The following TMEM182 variants were observed in gnomAD, a reference collection of about 807,000 sequenced individuals.
TMEM182 encodes the protein transmembrane protein 182.
TMEM182 carries 20 observed loss-of-function variants against 26.8 expected under a neutral mutation model. The observed-to-expected ratio is 0.75, with a 90% confidence interval of 0.53 to 1.09. TMEM182 has a LOEUF of 1.09. Ranked by LOEUF, TMEM182 falls within the 50% of genes least tolerant of loss-of-function variation. TMEM182 has a pLI of 0.00. For missense variants in TMEM182, 277 were observed against 275.5 expected (o/e 1.01, Z -0.04); for synonymous variants, 109 against 102.2 (o/e 1.07, Z -0.40).
chr2:102,810,836 T>C (rs931465207), intron 4 of TMEM182, among the ~76,000 whole-genome samples: 1 of 152,166 alleles, frequency 6.6e-6, no homozygotes. Flanking sequence ...TTACTATCTA[T>C]ATATTGCAGT....
chr2:102,749,774 T>A (rs1377414950), intron 1 of TMEM182, among the ~76,000 whole-genome samples: 34 of 152,118 alleles, frequency 2.2e-4, no homozygotes, highest in Non-Finnish European at 2.9e-5. Context: ...TGTATGACAA[T>A]ATAAAGTTTC....
At chr2:102,796,374 T>G (rs1395111480) in intron 3 of TMEM182, among the ~76,000 whole-genome samples, 1 of 152,224 alleles carries the variant, frequency 6.6e-6, no homozygotes, top group Non-Finnish European at 1.5e-5. Context: ...AATGGATTTC[T>G]TATTCTCTGA....
chr2:102,799,434 G>A (rs773181491), intron 4 of TMEM182, among the ~76,000 whole-genome samples: 1 of 152,182 alleles, frequency 6.6e-6, no homozygotes, highest in Non-Finnish European at 1.5e-5. Flanking sequence ...CTTGGAAAAG[G>A]CAGATTAATT....
intron 1 of TMEM182, among the ~76,000 whole-genome samples, chr2:102,740,323 T>C (rs1378605975): frequency 6.6e-6 from 1 of 152,150 alleles, no homozygotes; most frequent in Non-Finnish European, 1.5e-5. Context: ...TGGAGGTGGT[T>C]ACCTCCATGC....
upstream of TMEM182, chr2:102,758,261 A>G (rs368167257): frequency 7.2e-5 from 37 of 511,900 alleles, 1 homozygote; most frequent in African/African-American, 5.1e-4. Context: ...GAGAGAACCT[A>G]TGTCTCAGTT....
intron 1 of TMEM182, among the ~76,000 whole-genome samples, chr2:102,751,673 G>A (rs1024214883): frequency 2.6e-5 from 4 of 151,998 alleles, no homozygotes; most frequent in Admixed American, 6.6e-5. Context: ...CTCCTGTATC[G>A]TTATGTCCTT....
At chr2:102,810,787 G>T (rs1682528769) in intron 4 of TMEM182, among the ~76,000 whole-genome samples, 1 of 152,056 alleles carries the variant, frequency 6.6e-6, no homozygotes, top group African/African-American at 2.4e-5. Flanking sequence ...CTTTCCAAAT[G>T]TATGACCAAA....
intron 3 of TMEM182, among the ~76,000 whole-genome samples, chr2:102,768,440 A>G (rs999013906): frequency 2.0e-5 from 3 of 151,860 alleles, no homozygotes; most frequent in Non-Finnish European, 2.9e-5. Context: ...TGTAATCCCA[A>G]CACTTTGGAA....
chr2:102,739,969 C>T (rs1679497995), intron 1 of TMEM182, among the ~76,000 whole-genome samples: 1 of 152,038 alleles, frequency 6.6e-6, no homozygotes, highest in African/African-American at 2.4e-5. Flanking sequence ...TAACTTAGTT[C>T]TTACTTGGGG....
chr2:102,827,067 C>T (rs1215677696), intron 3 of TMEM182, among the ~76,000 whole-genome samples: 1 of 152,212 alleles, frequency 6.6e-6, no homozygotes, highest in African/African-American at 2.4e-5. Context: ...GGGTCGCTCT[C>T]ATCACAGCAC....
intron 1 of TMEM182, among the ~76,000 whole-genome samples, chr2:102,744,231 C>T (rs948304215): frequency 6.6e-6 from 1 of 152,132 alleles, no homozygotes; most frequent in Non-Finnish European, 1.5e-5. Context: ...CACAGTGAAA[C>T]TAGCAATCAG....
intron 1 of TMEM182, among the ~76,000 whole-genome samples, chr2:102,745,957 T>C (rs1195334948): frequency 6.6e-6 from 1 of 152,208 alleles, no homozygotes; most frequent in East Asian, 1.9e-4. Flanking sequence ...TTTATTTCTC[T>C]TGCCATAGAA....
intron 3 of TMEM182, among the ~76,000 whole-genome samples, chr2:102,825,609 A>G (rs1683017280): frequency 6.6e-6 from 1 of 152,244 alleles, no homozygotes; most frequent in South Asian, 2.1e-4. Context: ...CAGAGGAATA[A>G]TAGTGACTAT....
chr2:102,753,701 C>T (rs1679949302), intron 1 of TMEM182, among the ~76,000 whole-genome samples: 1 of 152,074 alleles, frequency 6.6e-6, no homozygotes, highest in African/African-American at 2.4e-5. Context: ...TAAAAATTCC[C>T]AACAACTGAC....
intron 3 of TMEM182, among the ~76,000 whole-genome samples, chr2:102,793,740 A>AT (rs770754403): frequency 6.6e-5 from 10 of 152,082 alleles, no homozygotes; most frequent in Admixed American, 2.0e-4. Context: ...TTGTATTGAC[A>AT]TTTTTTGTTG....
chr2:102,798,871 A>G (rs1279179563), intron 4 of TMEM182, among the ~76,000 whole-genome samples: 1 of 152,158 alleles, frequency 6.6e-6, no homozygotes, highest in Non-Finnish European at 1.5e-5. Context: ...ATTGTGATCC[A>G]TATGAATTAT....
At chr2:102,830,522 TTATTTATG>T (rs1271927099) in intron 3 of TMEM182, among the ~76,000 whole-genome samples, 3 of 152,138 alleles carry the variant, frequency 2.0e-5, no homozygotes, top group Non-Finnish European at 4.4e-5. Flanking sequence ...GCTCTGGATT[TTATTTATG>T]TATTTATGTA....
intron 1 of TMEM182, among the ~76,000 whole-genome samples, chr2:102,744,553 T>C: frequency 6.6e-6 from 1 of 152,182 alleles, no homozygotes; most frequent in East Asian, 1.9e-4. Flanking sequence ...TCATATTCTT[T>C]CTTTCTGAAG....
At chr2:102,828,670 C>G (rs2104773246) in intron 3 of TMEM182, among the ~76,000 whole-genome samples, 1 of 152,290 alleles carries the variant, frequency 6.6e-6, no homozygotes, top group East Asian at 1.9e-4. Context: ...TTTCTCCTAA[C>G]TTTTCTAGCT....
Sources: allele counts gnomAD v4.1 joint callset (sites outside exome capture counted in the v4.1 genomes callset), GRCh38; gene constraint gnomAD v4.1.1; transcripts MANE v1.5; gene names NCBI Gene and HGNC (gene_info 2026-07-23, HGNC 2026-07-21).